ADAM18: variants seen among roughly 807,000 people sequenced by gnomAD.
ADAM18 encodes disintegrin and metalloproteinase domain-containing protein 18.
A neutral mutation model predicts 94.4 loss-of-function variants in ADAM18; 117 were observed. The ratio of observed to expected loss-of-function variants is 1.24; its 90% confidence interval spans 1.07 to 1.45. ADAM18 has a LOEUF of 1.45. Among genes scored for constraint, ADAM18 ranks in the 40% most tolerant of loss-of-function variants. The pLI is 0.00. For synonymous variants in ADAM18, 327 were observed against 291.6 expected (o/e 1.12, Z -1.24); for missense variants, 936 against 880.0 (o/e 1.06, Z -0.81).
At chr8:39,620,703 G>T (rs944614930) in intron 6 of ADAM18, among the ~76,000 whole-genome samples, 1 of 149,838 alleles carries the variant, frequency 6.7e-6, no homozygotes, top group East Asian at 1.9e-4. Flanking sequence ...CCTATCAGCA[G>T]CAACAGCATA....
intron 6 of ADAM18, among the ~76,000 whole-genome samples, chr8:39,627,244 CA>C (rs948152014): frequency 6.6e-6 from 1 of 152,060 alleles, no homozygotes; most frequent in African/African-American, 2.4e-5. Context: ...GGAGACCTCA[CA>C]ATCATGGCAG....
intron 16 of ADAM18, among the ~76,000 whole-genome samples, chr8:39,682,719 C>G (rs976121963): frequency 8.6e-5 from 13 of 152,006 alleles, no homozygotes; most frequent in Admixed American, 6.6e-5. Flanking sequence ...GGGCTTGGGG[C>G]CAGATTACTC....
At chr8:39,717,316 T>C (rs1249364020) in intron 18 of ADAM18, among the ~76,000 whole-genome samples, 1 of 151,902 alleles carries the variant, frequency 6.6e-6, no homozygotes, top group Non-Finnish European at 1.5e-5. Context: ...TTATTTTTAA[T>C]ACTTTTGTCT....
chr8:39,649,774 T>C (rs1820476006), intron 12 of ADAM18, among the ~76,000 whole-genome samples: 1 of 152,124 alleles, frequency 6.6e-6, no homozygotes, highest in Non-Finnish European at 1.5e-5. Flanking sequence ...TGGAAACTAA[T>C]GACCAGCCAT....
intron 7 of ADAM18, among the ~76,000 whole-genome samples, 194 bp from the exon 8 acceptor site, chr8:39,637,045 ATATATATATATATATATATATGTAT>A (rs1563285263): frequency 7.0e-6 from 1 of 143,336 alleles, no homozygotes; most frequent in African/African-American, 2.6e-5. Context: ...ATATATATAT[ATATATATATATATATATATATGTAT>A]ATACATAATA....
At chr8:39,660,379 C>T (rs1408402328) in intron 12 of ADAM18, among the ~76,000 whole-genome samples, 2 of 152,136 alleles carry the variant, frequency 1.3e-5, no homozygotes, top group African/African-American at 2.4e-5. Flanking sequence ...TAAGGACCCA[C>T]ATAGGCTGAA....
intron 6 of ADAM18, among the ~76,000 whole-genome samples, chr8:39,613,121 A>T (rs1385783173): frequency 6.6e-6 from 1 of 152,030 alleles, no homozygotes; most frequent in Non-Finnish European, 1.5e-5. Context: ...AGGTACATAC[A>T]TGCATGCAGA....
rs571935738 is a variant in ADAM18, at chr8:39,591,706, A to G, written c.132+6354A>G. On this transcript the variant is annotated intron_variant, in intron 2 of 19. Transcript: ENST00000265707. ...TTTCTGAATTCCTGTTAGTGTTGAT[A>G]TCTTAACCTCTTTCCATGAATCGTG... Among the ~76,000 whole-genome samples the G allele has an allele frequency of 3.3e-5, 5 of 152,328 alleles. No individual in the cohort carries two copies. The South Asian group carries it at 1.0e-3, about 32-fold the overall frequency.
At chr8:39,597,070 C>CAT in intron 2 of ADAM18, among the ~76,000 whole-genome samples, 1 of 152,204 alleles carries the variant, frequency 6.6e-6, no homozygotes, top group African/African-American at 2.4e-5. Context: ...ATTTGCTTGA[C>CAT]ATATATCTTA....
intron 7 of ADAM18, among the ~76,000 whole-genome samples, 197 bp from the exon 8 acceptor site, chr8:39,637,059 ATATATATG>A (rs1820098818): frequency 3.6e-5 from 5 of 138,664 alleles, no homozygotes; most frequent in Admixed American, 2.2e-4. Context: ...ATATATATAT[ATATATATG>A]TATATACATA....
chr8:39,597,969 T>C (rs556065329), intron 2 of ADAM18, among the ~76,000 whole-genome samples: 9 of 152,362 alleles, frequency 5.9e-5, no homozygotes, highest in African/African-American at 1.9e-4. Context: ...TTGAAGTTTT[T>C]CTCATGTAGA....
At chr8:39,607,710 T>G (rs543516419) in intron 3 of ADAM18, among the ~76,000 whole-genome samples, 1 of 151,692 alleles carries the variant, frequency 6.6e-6, no homozygotes, top group Non-Finnish European at 1.5e-5. Flanking sequence ...ACTTCAGTGC[T>G]CTCTCACTCT....
intron 6 of ADAM18, among the ~76,000 whole-genome samples, chr8:39,621,292 A>T (rs970333502): frequency 1.7e-4 from 25 of 150,152 alleles, no homozygotes; most frequent in Admixed American, 1.5e-3. Context: ...TGTGACATGA[A>T]CACATGCATG....
chr8:39,656,539 G>A (rs1324367398), intron 12 of ADAM18, among the ~76,000 whole-genome samples: 1 of 152,008 alleles, frequency 6.6e-6, no homozygotes. Flanking sequence ...TAAAACATAA[G>A]CGAATATGTA....
At chr8:39,715,682 T>G (rs1822548476) in intron 18 of ADAM18, among the ~76,000 whole-genome samples, 1 of 152,024 alleles carries the variant, frequency 6.6e-6, no homozygotes, top group Admixed American at 6.6e-5. Context: ...TTCTCAAATA[T>G]TTTATAATCT....
At chr8:39,678,524 G>A (rs1470273009) in intron 15 of ADAM18, among the ~76,000 whole-genome samples, 2 of 152,102 alleles carry the variant, frequency 1.3e-5, no homozygotes, top group Non-Finnish European at 2.9e-5. Flanking sequence ...GATCTCAGGA[G>A]GAGACCCGGC....
At chr8:39,710,302 G>C (rs1299440912) in intron 18 of ADAM18, among the ~76,000 whole-genome samples, 1 of 152,170 alleles carries the variant, frequency 6.6e-6, no homozygotes, top group East Asian at 1.9e-4. Context: ...TTTGAGAAAG[G>C]AAAAATAGAT....
intron 18 of ADAM18, among the ~76,000 whole-genome samples, chr8:39,722,217 G>GTATA (rs61542840): frequency 5.8e-4 from 53 of 91,506 alleles, no homozygotes; most frequent in South Asian, 8.7e-4. Context: ...GTGTGTGTGT[G>GTATA]TATATATATA....
intron 6 of ADAM18, among the ~76,000 whole-genome samples, chr8:39,612,770 C>G (rs1819316065): frequency 2.6e-5 from 4 of 152,198 alleles, no homozygotes; most frequent in Admixed American, 2.6e-4. Flanking sequence ...GATGCCCAAC[C>G]TGAATGCTTC....
Sources: gnomAD v4.1 joint callset for allele counts (sites outside exome capture counted in the v4.1 genomes callset) on GRCh38, gnomAD v4.1.1 for gene constraint, MANE v1.5 for transcripts, NCBI Gene and HGNC (gene_info 2026-07-23, HGNC 2026-07-21) for gene names.